Variants in FREM2 observed in about 807,000 individuals in gnomAD.
FREM2 encodes the protein FRAS1 related extracellular matrix 2.
FREM2 carries 119 observed loss-of-function variants against 219.9 expected under a neutral mutation model. The ratio of observed to expected loss-of-function variants is 0.54; its 90% confidence interval spans 0.47 to 0.63. The LOEUF (loss-of-function observed/expected upper bound fraction) is 0.63, where lower values mean the gene tolerates loss of function less well. FREM2 is among the 30% of genes least tolerant of loss of function. FREM2 has a pLI of 0.00. For missense variants in FREM2, 4,030 were observed against 3,993.6 expected (o/e 1.01, Z -0.25); for synonymous variants, 1,562 against 1,522.8 (o/e 1.03, Z -0.60).
At chr13:38,779,235 A>T (rs1227028575) in intron 4 of FREM2, among the ~76,000 whole-genome samples, 16 of 151,112 alleles carry the variant, frequency 1.1e-4, no homozygotes, top group Admixed American at 1.1e-3. Flanking sequence ...CGGGGGGTGG[A>T]GGGAAAGGGG....
chr13:38,859,654 T>C (rs918334212), intron 14 of FREM2, 64 bp downstream of exon 14: 52 of 1,392,412 alleles, frequency 3.7e-5, no homozygotes, highest in Non-Finnish European at 5.1e-5. Context: ...AAATGTCTAC[T>C]TTCTGGTTAT....
intron 2 of FREM2, among the ~76,000 whole-genome samples, chr13:38,724,723 T>C (rs937513981): frequency 3.3e-5 from 5 of 152,204 alleles, no homozygotes; most frequent in African/African-American, 1.2e-4. Context: ...TTTGTTTGGC[T>C]CAACTTTGTT....
chr13:38,854,877 T>G (rs1001053463), intron 11 of FREM2, among the ~76,000 whole-genome samples: 18 of 152,324 alleles, frequency 1.2e-4, no homozygotes, highest in Non-Finnish European at 2.2e-4. Context: ...TCTAAAGGAT[T>G]TGTAATTTAG....
At position 38,857,868 on chromosome 13, in the gene FREM2, C is replaced by T. The variant is rs1172299715; in HGVS notation, c.7057-7C>T. 1.2e-6 allele frequency: 2 copies of T among 1,611,298 alleles called. No homozygotes were observed. Among genetic ancestry groups the T allele is most frequent in the South Asian group, 2.2e-5 (2 of 91,006 alleles). On this transcript the variant is annotated splice_polypyrimidine_tract_variant and splice_region_variant and intron_variant, in intron 12 of 23. Transcript: ENST00000280481. Reference sequence around the variant, plus strand: ...ACTAATCAGTGATAATTGTCTTTTCCTTCTAGTTGACGAAAGCCATTGTGT... The same window carrying T: ...ACTAATCAGTGATAATTGTCTTTTCTTTCTAGTTGACGAAAGCCATTGTGT...
chr13:38,692,638 G>A, intron 1 of FREM2, 121 bp downstream of exon 1: 8 of 1,201,070 alleles, frequency 6.7e-6, no homozygotes, highest in Non-Finnish European at 9.7e-6. Context: ...AAAGGGGATG[G>A]GGAGAATATA....
rs528323108 is a variant in FREM2, at chr13:38,700,433, G to A, written c.5263+2646G>A. 3.3e-5 allele frequency among the ~76,000 whole-genome samples: 5 copies of A among 152,118 alleles called. No homozygotes were observed. The Middle Eastern group carries it at 0.01, about 313-fold the overall frequency. ...GATAACATCAGGGTCTTTACCTCAG[G>A]GGAAGTCTACTGTATTTGGACTTAA... is the stretch of plus-strand genomic sequence containing the variant. On this transcript the variant is annotated intron_variant, in intron 2 of 23. Transcript: ENST00000280481.
rs1254691732 is a variant in FREM2 at position 38,878,859 on chromosome 13, C to T, written c.8888C>T (p.Thr2963Ile). 1 of 1,614,058 alleles carries T rather than the reference C, an allele frequency of 6.2e-7. No individual in the cohort carries two copies. The highest frequency in any genetic ancestry group is 8.5e-7 in the Non-Finnish European group (1 of 1,180,028). ...AAAGCTCAGCCAGAGACACAAGCGA[C>T]CAGTTTTGGAAATGTCCTATTTAAT... ...VDKAQPETQA[T>I]SFGNVLFNAK... The change falls in exon 23 of 24, where the codon ACC (threonine) becomes ATC (isoleucine). Residue 2963 changes from threonine (T) to isoleucine (I), a missense_variant. Thr to Ile is a moderately conservative substitution (Grantham distance 89). Transcript: ENST00000280481.
At chr13:38,746,708 GC>G (rs1204029565) in intron 2 of FREM2, among the ~76,000 whole-genome samples, 1 of 152,130 alleles carries the variant, frequency 6.6e-6, no homozygotes, top group Admixed American at 6.6e-5. Context: ...CTGACCAATG[GC>G]ATTCAAGTAA....
chr13:38,862,223 A>T (rs564351792), intron 15 of FREM2, among the ~76,000 whole-genome samples: 1 of 152,334 alleles, frequency 6.6e-6, no homozygotes, highest in South Asian at 2.1e-4. Context: ...AGGGAGAGGA[A>T]ATACGATTAG....
At chr13:38,740,535 A>T (rs1438791146) in intron 2 of FREM2, among the ~76,000 whole-genome samples, 1 of 152,178 alleles carries the variant, frequency 6.6e-6, no homozygotes, top group Non-Finnish European at 1.5e-5. Context: ...TCTCCATTGG[A>T]AGAACAAAAG....
chr13:38,798,263 T>A (rs976155749), intron 6 of FREM2, among the ~76,000 whole-genome samples: 1 of 152,172 alleles, frequency 6.6e-6, no homozygotes, highest in African/African-American at 2.4e-5. Context: ...TCTGTTGATG[T>A]GATGTATCAT....
rs73461848 is a variant in FREM2 at position 38,759,557 on chromosome 13, G to A, written c.5264-4747G>A. ...TTTTCATCAAAACCTTAATGGCTTT[G>A]GTGTCAGGATTTGAAGACAGAGCAT... On this transcript the variant is annotated intron_variant, in intron 2 of 23. Coordinates refer to ENST00000280481, the MANE Select transcript of FREM2 (RefSeq NM_207361.6). Among the ~76,000 whole-genome samples, 857 of 152,236 alleles carry A rather than the reference G, an allele frequency of 5.6e-3. 12 individuals carry two copies. The highest frequency in any genetic ancestry group is 0.02 in the African/African-American group (830 of 41,556).
At chr13:38,719,639 C>T (rs1017775985) in intron 2 of FREM2, among the ~76,000 whole-genome samples, 2 of 152,130 alleles carry the variant, frequency 1.3e-5, no homozygotes, top group Non-Finnish European at 2.9e-5. Flanking sequence ...CTCTTCATCT[C>T]GAGGCAAGTT....
rs1273924377 is a variant in FREM2, at chr13:38,858,537, G to A, written c.7215+504G>A. On this transcript the variant is annotated intron_variant, in intron 13 of 23. Coordinates refer to ENST00000280481, the MANE Select transcript of FREM2 (RefSeq NM_207361.6). ...CGTGAGCTACAGCTAGAAAAAAATA[G>A]CATAAGAAATAGCAAATTATCACTA... 3.3e-5 allele frequency among the ~76,000 whole-genome samples: 5 copies of A among 152,154 alleles called. No homozygotes were observed. In the East Asian group the frequency reaches 9.6e-4, roughly 29 times the overall value.
intron 15 of FREM2, among the ~76,000 whole-genome samples, chr13:38,863,255 G>C (rs1488544660): frequency 6.6e-6 from 1 of 151,980 alleles, no homozygotes; most frequent in Non-Finnish European, 1.5e-5. Flanking sequence ...TCGCCATGTT[G>C]GTCAGGCTGG....
chr13:38,796,479 G>A (rs1874788353), intron 6 of FREM2, among the ~76,000 whole-genome samples: 1 of 152,044 alleles, frequency 6.6e-6, no homozygotes, highest in South Asian at 2.1e-4. Flanking sequence ...CCAAAACAGA[G>A]GATGGCAATT....
intron 3 of FREM2, among the ~76,000 whole-genome samples, chr13:38,768,781 T>C (rs994474374): frequency 3.9e-5 from 6 of 152,212 alleles, no homozygotes; most frequent in Non-Finnish European, 7.3e-5. Flanking sequence ...TTTTGGATAA[T>C]GTACCCTATG....
At chr13:38,774,170 A>G (rs1006832406) in intron 4 of FREM2, among the ~76,000 whole-genome samples, 3 of 152,076 alleles carry the variant, frequency 2.0e-5, no homozygotes, top group African/African-American at 7.2e-5. Flanking sequence ...TATGAAAACA[A>G]CACAGTAATT....
rs1482607214 is a variant in FREM2, at chr13:38,859,210, G to A, written c.7216-77G>A. On this transcript the variant is annotated intron_variant, in intron 13 of 23. Transcript: ENST00000280481. Reference sequence around the variant, plus strand: ...TTGGGGAAAGCAGCAGTGAAAACTCGATGGCAGAGAACGGGAGAAGAATGC... The same window carrying A: ...TTGGGGAAAGCAGCAGTGAAAACTCAATGGCAGAGAACGGGAGAAGAATGC... The A allele has an allele frequency of 1.5e-5, 22 of 1,442,962 alleles. No homozygotes were observed. The East Asian group carries it at 3.0e-4, about 19-fold the overall frequency. 89.4% of individuals were successfully genotyped at this position (1,442,962 alleles called of 1,614,324 possible). A position where few individuals can be genotyped will look rare whatever the true frequency, so the allele number is the denominator to read the frequency against.
Sources: gnomAD v4.1 joint callset for allele counts (sites outside exome capture counted in the v4.1 genomes callset) on GRCh38, gnomAD v4.1.1 for gene constraint, MANE v1.5 for transcripts, NCBI Gene and HGNC (gene_info 2026-07-23, HGNC 2026-07-21) for gene names.